The following OLFM3 variants were observed in gnomAD, a reference collection of about 807,000 sequenced individuals.
The protein encoded by OLFM3 is noelin-3.
A neutral mutation model predicts 48.6 loss-of-function variants in OLFM3; 20 were observed. The observed-to-expected ratio is 0.41, with a 90% CI of 0.29 to 0.60. The LOEUF (loss-of-function observed/expected upper bound fraction) is 0.60, where lower values mean the gene tolerates loss of function less well. Ranked by LOEUF, OLFM3 falls within the 20% of genes least tolerant of loss-of-function variation. The pLI is 0.28. For synonymous variants in OLFM3, 222 were observed against 198.1 expected (o/e 1.12, Z -1.01); for missense variants, 437 against 544.3 (o/e 0.80, Z 1.96).
At chr1:101,926,051 A>G (rs1447025467) in intron 1 of OLFM3, among the ~76,000 whole-genome samples, 1 of 152,172 alleles carries the variant, frequency 6.6e-6, no homozygotes, top group Non-Finnish European at 1.5e-5. Context: ...CAAAGTATGA[A>G]TTTAACCCTG....
chr1:101,963,761 A>T (rs537093893), intron 1 of OLFM3, among the ~76,000 whole-genome samples: 4 of 152,280 alleles, frequency 2.6e-5, no homozygotes, highest in Non-Finnish European at 5.9e-5. Context: ...CCTTTAATAA[A>T]TTCCTCATAT....
chr1:101,848,151 G>T (rs1247119537), intron 1 of OLFM3, among the ~76,000 whole-genome samples: 1 of 151,918 alleles, frequency 6.6e-6, no homozygotes, highest in Non-Finnish European at 1.5e-5. Flanking sequence ...AGAAATCAGA[G>T]GTCTTTGTCT....
intron 1 of OLFM3, among the ~76,000 whole-genome samples, chr1:101,903,574 T>C (rs1557724194): frequency 6.6e-6 from 1 of 152,084 alleles, no homozygotes. Context: ...TTTAGTAAGG[T>C]TGTATGCTAT....
intron 1 of OLFM3, among the ~76,000 whole-genome samples, chr1:101,940,487 TA>T (rs2101058524): frequency 1.3e-5 from 2 of 151,874 alleles, no homozygotes; most frequent in South Asian, 4.2e-4. Context: ...ATCTATTATC[TA>T]TCTTTCAATC....
chr1:101,866,939 C>G (rs567113513), intron 1 of OLFM3, among the ~76,000 whole-genome samples: 1 of 152,212 alleles, frequency 6.6e-6, no homozygotes, highest in East Asian at 1.9e-4. Context: ...GAGGATACAG[C>G]CATTATTTAA....
chr1:101,906,187 T>C (rs1658545077), intron 1 of OLFM3, among the ~76,000 whole-genome samples: 1 of 151,130 alleles, frequency 6.6e-6, no homozygotes, highest in Non-Finnish European at 1.5e-5. Flanking sequence ...TAGCTCCAGT[T>C]TTTTTTTTAA....
intron 1 of OLFM3, among the ~76,000 whole-genome samples, chr1:101,840,254 C>G (rs759192945): frequency 6.6e-6 from 1 of 152,136 alleles, no homozygotes. Context: ...TATTCATTAC[C>G]TGGCAGTTCA....
chr1:101,936,996 A>C (rs911952067), intron 1 of OLFM3, among the ~76,000 whole-genome samples: 1 of 152,228 alleles, frequency 6.6e-6, no homozygotes, highest in African/African-American at 2.4e-5. Context: ...TGTAAAACTT[A>C]AAAGTATAAA....
Position 101,804,796 on chromosome 1 carries a change from A to C in OLFM3, c.819T>G (p.Thr273=). ...TYNLPFKWAG[T]NHVVYNGSLY... ...GTGAGCCATTGTAGACAACATGGTT[A>C]GTTCCTGCCCACTTGAAAGGAAGGT... Residue 273 remains threonine, a synonymous_variant, in exon 6 of 6, where the codon ACT becomes ACG. Transcript: ENST00000370103. This position sits in a 1 kb window ranked among gnomAD's most constrained non-coding sequence, Gnocchi z 4.5. 1 of 1,612,640 alleles carries C rather than the reference A, an allele frequency of 6.2e-7. No individual in the cohort carries two copies. Among genetic ancestry groups the C allele is most frequent in the Non-Finnish European group, 8.5e-7 (1 of 1,179,074 alleles).
chr1:101,843,995 TTGA>T (rs1655861532), intron 1 of OLFM3, among the ~76,000 whole-genome samples: 1 of 152,198 alleles, frequency 6.6e-6, no homozygotes, highest in East Asian at 1.9e-4. Flanking sequence ...AGTGAGAACA[TTGA>T]TGAGAAGAGC....
At position 101,893,630 on chromosome 1, in the gene OLFM3, T is replaced by C. The variant is rs115707821; in HGVS notation, c.70-56605A>G. On this transcript the variant is annotated intron_variant, in intron 1 of 5. Transcript: ENST00000370103. ...TCATATGTATGGATATACAGCTGGT[T>C]GTAGTATTGCATGGCTTCTGAAAAC... 3.7e-3 allele frequency: 733 copies of C among 196,684 alleles called. 3 individuals are homozygous for C. Among genetic ancestry groups the C allele is most frequent in the Middle Eastern group, 6.0e-3 (3 of 504 alleles). 12.2% of individuals were successfully genotyped at this position (196,684 alleles called of 1,614,324 possible).
chr1:101,933,334 C>G (rs1428216806), intron 1 of OLFM3, among the ~76,000 whole-genome samples: 1 of 150,260 alleles, frequency 6.7e-6, no homozygotes. Context: ...GTATTAACAG[C>G]AGAATCAACC....
intron 1 of OLFM3, among the ~76,000 whole-genome samples, chr1:101,996,186 A>G (rs921396331): frequency 2.0e-5 from 3 of 152,176 alleles, no homozygotes; most frequent in Non-Finnish European, 4.4e-5. Flanking sequence ...AGAAACAAAC[A>G]CAAGCTCCTT....
intron 1 of OLFM3, among the ~76,000 whole-genome samples, chr1:101,888,904 C>A (rs1209066686): frequency 6.6e-6 from 1 of 152,156 alleles, no homozygotes; most frequent in African/African-American, 2.4e-5. Context: ...TGAAAAAATG[C>A]TCATCATCAC....
intron 1 of OLFM3, among the ~76,000 whole-genome samples, chr1:101,901,197 T>C (rs1409089383): frequency 6.6e-6 from 1 of 152,104 alleles, no homozygotes; most frequent in African/African-American, 2.4e-5. Flanking sequence ...GAAGTTTACA[T>C]TGTTTGGGAC....
intron 1 of OLFM3, among the ~76,000 whole-genome samples, chr1:101,906,056 T>C (rs1570618501): frequency 6.6e-6 from 1 of 152,174 alleles, no homozygotes; most frequent in East Asian, 1.9e-4. Flanking sequence ...TCGAATGATT[T>C]CTTTTTGAGG....
chr1:101,961,080 T>C (rs1340587587), intron 1 of OLFM3, among the ~76,000 whole-genome samples: 2 of 152,144 alleles, frequency 1.3e-5, no homozygotes, highest in Non-Finnish European at 2.9e-5. Context: ...AGATGTCTTT[T>C]TAGATATGGC....
intron 4 of OLFM3, among the ~76,000 whole-genome samples, chr1:101,823,403 G>A (rs568934659): frequency 5.3e-5 from 8 of 152,000 alleles, no homozygotes; most frequent in South Asian, 2.1e-4. Flanking sequence ...GTGAAAGTGC[G>A]TTGATGGAGG....
rs537578420 is a variant in OLFM3 at position 101,949,132 on chromosome 1, G to A, written c.69+47616C>T. Among the ~76,000 whole-genome samples, 404 of 152,014 alleles carry A rather than the reference G, an allele frequency of 2.7e-3. 3 individuals carry two copies. Among genetic ancestry groups the A allele is most frequent in the African/African-American group, 9.4e-3 (388 of 41,466 alleles). ...ATAACACTATTCCAATCACATCTGA[G>A]TTTTACAATAAATATCCAGAACTTA... is the stretch of plus-strand genomic sequence containing the variant. On this transcript the variant is annotated intron_variant, in intron 1 of 5. Coordinates refer to ENST00000370103, the MANE Select transcript of OLFM3 (RefSeq NM_058170.4).
Sources: allele counts gnomAD v4.1 joint callset (sites outside exome capture counted in the v4.1 genomes callset), GRCh38; gene constraint gnomAD v4.1.1; non-coding constraint Gnocchi (gnomAD v3.1); transcripts MANE v1.5; gene names NCBI Gene and HGNC (gene_info 2026-07-23, HGNC 2026-07-21).